The following IMPG1 variants were observed in gnomAD, a reference collection of about 807,000 sequenced individuals.
IMPG1 encodes the protein interphotoreceptor matrix proteoglycan 1.
A neutral mutation model predicts 92.0 loss-of-function variants in IMPG1; 85 were observed. That is an observed-to-expected ratio of 0.92 (90% confidence interval 0.78 to 1.11). The LOEUF is 1.11. Ranked by LOEUF, IMPG1 falls within the 50% of genes least tolerant of loss-of-function variation. IMPG1 has a pLI of 0.00. For synonymous variants in IMPG1, 367 were observed against 334.1 expected (o/e 1.10, Z -1.08); for missense variants, 1,022 against 956.0 (o/e 1.07, Z -0.91).
intron 4 of IMPG1, among the ~76,000 whole-genome samples, chr6:76,026,139 C>G (rs1783528094): frequency 6.6e-6 from 1 of 152,158 alleles, no homozygotes; most frequent in Non-Finnish European, 1.5e-5. Flanking sequence ...AGCAGGGACT[C>G]TGCGCTAGCA....
intron 1 of IMPG1, among the ~76,000 whole-genome samples, chr6:76,065,674 A>G (rs1784297180): frequency 6.6e-6 from 1 of 152,110 alleles, no homozygotes. Context: ...AATTCAGGAA[A>G]ACTTCCCTAA....
In IMPG1 at chr6:75,942,394, C is replaced by T. The variant is rs1453538782; in HGVS notation, c.2044+4920G>A. Among the ~76,000 whole-genome samples, 3 of 152,312 alleles carry T rather than the reference C, an allele frequency of 2.0e-5. No individual in the cohort carries two copies. In the East Asian group the frequency reaches 5.8e-4, roughly 29 times the overall value. ...ATTTGCTTAAGTGACCTTCTGTTAT[C>T]ATCAGGGATTTTGAGCATCATTTTC... On this transcript the variant is annotated intron_variant, in intron 14 of 16. Transcript: ENST00000369950.
intron 15 of IMPG1, among the ~76,000 whole-genome samples, chr6:75,924,166 T>G (rs1213196059): frequency 6.6e-6 from 1 of 151,580 alleles, no homozygotes; most frequent in Non-Finnish European, 1.5e-5. Flanking sequence ...TAGTAGTCAT[T>G]ATGGAAAACC....
intron 1 of IMPG1, 108 bp from the exon 2 acceptor site, chr6:76,042,234 A>G (rs1331801269): frequency 2.9e-6 from 2 of 687,362 alleles, no homozygotes; most frequent in East Asian, 5.1e-5. Context: ...CCTTTAGTTT[A>G]TGAAATTTCT....
chr6:75,935,600 G>T (rs1008151110), intron 14 of IMPG1, among the ~76,000 whole-genome samples: 2 of 152,190 alleles, frequency 1.3e-5, no homozygotes, highest in African/African-American at 4.8e-5. Flanking sequence ...TGTTGGTGGC[G>T]AGGAGGTGAA....
At chr6:76,065,587 A>G (rs868168551) in intron 1 of IMPG1, among the ~76,000 whole-genome samples, 1 of 152,136 alleles carries the variant, frequency 6.6e-6, no homozygotes, top group Non-Finnish European at 1.5e-5. Flanking sequence ...GGATTATGTA[A>G]AACATCCAAA....
intron 8 of IMPG1, among the ~76,000 whole-genome samples, chr6:76,007,775 T>A (rs746648337): frequency 6.6e-6 from 1 of 152,178 alleles, no homozygotes; most frequent in African/African-American, 2.4e-5. Flanking sequence ...ACTTTTGGTC[T>A]TCTTCTTACA....
At chr6:76,004,293 G>C (rs1783051989) in intron 10 of IMPG1, among the ~76,000 whole-genome samples, 2 of 152,152 alleles carry the variant, frequency 1.3e-5, no homozygotes, top group African/African-American at 4.8e-5. Context: ...GAAACAAAAT[G>C]ACTAGAATAA....
chr6:75,964,074 C>T (rs1782258525), intron 12 of IMPG1, among the ~76,000 whole-genome samples: 1 of 152,154 alleles, frequency 6.6e-6, no homozygotes, highest in Admixed American at 6.5e-5. Flanking sequence ...AAAGCTCTGA[C>T]ATATTTTGGG....
chr6:75,982,803 C>T (rs1456920025), intron 12 of IMPG1, among the ~76,000 whole-genome samples: 2 of 151,926 alleles, frequency 1.3e-5, no homozygotes, highest in Admixed American at 6.6e-5. Context: ...AGCTATGATT[C>T]TGCATTAACC....
At chr6:75,930,838 C>T in intron 15 of IMPG1, 115 bp downstream of exon 15, 1 of 972,000 alleles carries the variant, frequency 1.0e-6, no homozygotes, top group Non-Finnish European at 1.6e-6. Flanking sequence ...TCTACACTCA[C>T]TAAAGTTTAA....
intron 7 of IMPG1, among the ~76,000 whole-genome samples, chr6:76,013,700 G>A (rs921198175): frequency 4.0e-5 from 6 of 151,644 alleles, no homozygotes; most frequent in African/African-American, 1.5e-4. Flanking sequence ...CATACACATA[G>A]TAGGGACCCA....
chr6:76,041,595 A>T (rs2127594468), intron 2 of IMPG1, among the ~76,000 whole-genome samples: 1 of 152,346 alleles, frequency 6.6e-6, no homozygotes, highest in East Asian at 1.9e-4. Flanking sequence ...AATATTGAGC[A>T]TTGGCAAAAA....
chr6:75,942,838 A>G (rs1235557648), intron 14 of IMPG1, among the ~76,000 whole-genome samples: 1 of 152,212 alleles, frequency 6.6e-6, no homozygotes, highest in Admixed American at 6.5e-5. Context: ...TAAAATTTAG[A>G]TATGCATTTC....
Position 76,062,564 on chromosome 6 carries a change from AT to A in IMPG1, c.67+9857del, listed in dbSNP as rs556356999. On this transcript the variant is annotated intron_variant, in intron 1 of 16. Coordinates refer to ENST00000369950, the MANE Select transcript of IMPG1 (RefSeq NM_001563.4). ...CTACTATTGGTAATTTTCATCTCCTATTTTTTCAAAACTACTCATCTTTTAA... is the reference window on the plus strand; with the variant it reads ...CTACTATTGGTAATTTTCATCTCCTATTTTTCAAAACTACTCATCTTTTAA... Among the ~76,000 whole-genome samples the A allele has an allele frequency of 3.7e-3, 567 of 152,220 alleles. 8 individuals are homozygous for A. Among genetic ancestry groups the A allele is most frequent in the Non-Finnish European group, 8.8e-4 (60 of 67,984 alleles).
In IMPG1 at chr6:75,974,401, T is replaced by TTTCTTTCCTTCCTTCCTTCCTTGCTTGC. The variant is rs1562354905; in HGVS notation, c.1292-23308_1292-23307insGCAAGCAAGGAAGGAAGGAAGGAAAGAA. Among the ~76,000 whole-genome samples the TTTCTTTCCTTCCTTCCTTCCTTGCTTGC allele has an allele frequency of 2.9e-4, 27 of 92,816 alleles. 1 individual carries two copies. The highest frequency in any genetic ancestry group is 1.0e-3 in the African/African-American group (27 of 25,802). The allele number at this position is 92,816 out of a possible 152,430, so 60.9% of individuals were successfully genotyped here. On this transcript the variant is annotated intron_variant, in intron 12 of 16. Transcript: ENST00000369950. ...TTTCTTTCTTTCTTTCTTTTCTTTC[T>TTTCTTTCCTTCCTTCCTTCCTTGCTTGC]TTCCTTCCTTCCTTCCTTCCTTCCT...
chr6:75,935,562 T>TA (rs1781731653), intron 14 of IMPG1, among the ~76,000 whole-genome samples: 1 of 152,290 alleles, frequency 6.6e-6, no homozygotes, highest in East Asian at 1.9e-4. Context: ...CTTCCCCACT[T>TA]ACCACCAAGG....
At chr6:76,070,888 T>C (rs1784394059) in intron 1 of IMPG1, among the ~76,000 whole-genome samples, 1 of 152,052 alleles carries the variant, frequency 6.6e-6, no homozygotes. Flanking sequence ...ATTCAGGTGA[T>C]GGTTACACTA....
intron 4 of IMPG1, among the ~76,000 whole-genome samples, chr6:76,026,117 G>A (rs1021273463): frequency 1.3e-5 from 2 of 151,294 alleles, no homozygotes; most frequent in East Asian, 1.9e-4. Context: ...GACTCTGTGC[G>A]GGAAGCACTC....
Sources: gnomAD v4.1 joint callset for allele counts (sites outside exome capture counted in the v4.1 genomes callset) on GRCh38, gnomAD v4.1.1 for gene constraint, MANE v1.5 for transcripts, NCBI Gene and HGNC (gene_info 2026-07-23, HGNC 2026-07-21) for gene names.